Variants in TRPM3 observed in about 807,000 individuals in gnomAD.
TRPM3 encodes the protein long transient receptor potential channel 3.
A neutral mutation model predicts 181.2 loss-of-function variants in TRPM3; 77 were observed. That is an observed-to-expected ratio of 0.42 (90% CI 0.35 to 0.51). TRPM3 has a LOEUF of 0.51. TRPM3 is among the 20% of genes least tolerant of loss of function. The pLI is 0.01. For synonymous variants in TRPM3, 745 were observed against 796.4 expected (o/e 0.94, Z 1.09); for missense variants, 1,759 against 2,196.7 (o/e 0.80, Z 3.98).
chr9:71,378,656 C>T (rs1281965948), intron 1 of TRPM3, among the ~76,000 whole-genome samples: 8 of 152,018 alleles, frequency 5.3e-5, no homozygotes, highest in South Asian at 4.1e-4. Flanking sequence ...CCTTTGGAAA[C>T]CGGAGAGTGT....
At chr9:71,096,102 G>T (rs951638890) in intron 1 of TRPM3, among the ~76,000 whole-genome samples, 1 of 151,876 alleles carries the variant, frequency 6.6e-6, no homozygotes, top group Non-Finnish European at 1.5e-5. Context: ...TCTGGAGGAC[G>T]AAGTATGATT....
chr9:71,325,408 G>A (rs1444950581), intron 1 of TRPM3, among the ~76,000 whole-genome samples: 1 of 152,008 alleles, frequency 6.6e-6, no homozygotes, highest in Non-Finnish European at 1.5e-5. Flanking sequence ...TCACACACAT[G>A]CTTATTAAAT....
chr9:71,077,454 C>T (rs1474032311), intron 1 of TRPM3, among the ~76,000 whole-genome samples: 1 of 152,198 alleles, frequency 6.6e-6, no homozygotes, highest in Non-Finnish European at 1.5e-5. Flanking sequence ...CTCTTTCTCA[C>T]ATAGATATAC....
At chr9:71,321,805 G>A (rs2089246459) in intron 1 of TRPM3, among the ~76,000 whole-genome samples, 1 of 152,058 alleles carries the variant, frequency 6.6e-6, no homozygotes, top group Non-Finnish European at 1.5e-5. Flanking sequence ...ATTAGTCCAT[G>A]TACATTAATT....
At chr9:71,245,184 C>T (rs1039235483) in intron 1 of TRPM3, among the ~76,000 whole-genome samples, 1 of 152,100 alleles carries the variant, frequency 6.6e-6, no homozygotes, top group Non-Finnish European at 1.5e-5. Flanking sequence ...TATGGTAGCT[C>T]ATGCCTGTAA....
intron 11 of TRPM3, among the ~76,000 whole-genome samples, chr9:70,635,875 A>G (rs1352635515): frequency 6.6e-6 from 1 of 152,194 alleles, no homozygotes; most frequent in Non-Finnish European, 1.5e-5. Flanking sequence ...AACTCTGTTG[A>G]CAGCTAGGCC....
At chr9:71,234,565 C>T (rs2081252882) in intron 1 of TRPM3, among the ~76,000 whole-genome samples, 1 of 152,140 alleles carries the variant, frequency 6.6e-6, no homozygotes, top group Non-Finnish European at 1.5e-5. Context: ...AGCCTCTCTC[C>T]TTGACTTGTA....
At chr9:70,953,578 G>A (rs1199247829) in intron 1 of TRPM3, among the ~76,000 whole-genome samples, 1 of 152,026 alleles carries the variant, frequency 6.6e-6, no homozygotes, top group Non-Finnish European at 1.5e-5. Context: ...TAATTTGTAG[G>A]CCGTAAAAAT....
chr9:70,813,705 C>A (rs928820037), intron 6 of TRPM3, among the ~76,000 whole-genome samples: 1 of 152,200 alleles, frequency 6.6e-6, no homozygotes, highest in Non-Finnish European at 1.5e-5. Flanking sequence ...CAGCTCTTTG[C>A]ATACAGAGAG....
chr9:71,160,183 A>T (rs1291313814), intron 1 of TRPM3, among the ~76,000 whole-genome samples: 1 of 152,078 alleles, frequency 6.6e-6, no homozygotes, highest in African/African-American at 2.4e-5. Context: ...AAAATATCTT[A>T]ATGGTTCTGT....
At chr9:71,276,216 C>A (rs899443191) in intron 1 of TRPM3, among the ~76,000 whole-genome samples, 1 of 152,040 alleles carries the variant, frequency 6.6e-6, no homozygotes, top group Non-Finnish European at 1.5e-5. Context: ...CTTCGTCAAC[C>A]GTACACACAA....
chr9:71,172,244 G>A (rs546153499), intron 1 of TRPM3, among the ~76,000 whole-genome samples: 16 of 152,180 alleles, frequency 1.1e-4, no homozygotes, highest in African/African-American at 3.6e-4. Flanking sequence ...CCTGAACTGA[G>A]TCTTGAAACT....
intron 1 of TRPM3, among the ~76,000 whole-genome samples, chr9:71,249,074 G>T (rs1277018952): frequency 6.6e-6 from 1 of 152,274 alleles, no homozygotes; most frequent in Non-Finnish European, 1.5e-5. Flanking sequence ...GAAAAAATTT[G>T]CTCATTTCAT....
Position 70,620,241 on chromosome 9 carries a change from G to GCCCACAC in TRPM3, c.1957_1963dup (p.Ala655GlyfsTer20). On this transcript the variant is annotated frameshift_variant, in exon 16 of 26. Transcript: ENST00000677713. LOFTEE classifies it high-confidence loss of function. Reference sequence around the variant, plus strand: ...CATCTTCTGCCGCTTCATGAGAACAGCCCACACCATGAGCTCATGGAAAGG... The same window carrying GCCCACAC: ...CATCTTCTGCCGCTTCATGAGAACAGCCCACACCCCACACCATGAGCTCATGGAAAGG... 1 of 1,614,232 alleles carries GCCCACAC rather than the reference G, an allele frequency of 6.2e-7. No homozygotes were observed. The highest frequency in any genetic ancestry group is 8.5e-7 in the Non-Finnish European group (1 of 1,180,042).
chr9:70,926,001 A>C (rs1048872620), intron 1 of TRPM3, among the ~76,000 whole-genome samples: 120 of 151,386 alleles, frequency 7.9e-4, no homozygotes, highest in Middle Eastern at 6.8e-3. Context: ...GGAAAACAAA[A>C]AAAAAAAAAA....
At chr9:70,949,348 T>A (rs1390173124) in intron 1 of TRPM3, among the ~76,000 whole-genome samples, 1 of 152,110 alleles carries the variant, frequency 6.6e-6, no homozygotes, top group Non-Finnish European at 1.5e-5. Context: ...TGAGCCACCA[T>A]GCCTGGTCAG....
chr9:71,340,776 T>C (rs191979652), intron 1 of TRPM3, among the ~76,000 whole-genome samples: 102 of 152,228 alleles, frequency 6.7e-4, no homozygotes, highest in African/African-American at 2.4e-3. Flanking sequence ...GCAATGAGCA[T>C]ACCTAGCAAA....
chr9:71,033,146 T>C (rs1303779001), intron 1 of TRPM3, among the ~76,000 whole-genome samples: 1 of 152,098 alleles, frequency 6.6e-6, no homozygotes, highest in South Asian at 2.1e-4. Context: ...GGGTCCTAGA[T>C]GGTTGGGGCT....
intron 25 of TRPM3, 106 bp downstream of exon 25, chr9:70,549,432 TAAAA>T: frequency 1.5e-6 from 2 of 1,377,468 alleles, no homozygotes; most frequent in Non-Finnish European, 1.9e-6. Context: ...TCTCAGACAA[TAAAA>T]ACAAACACAA....
Sources: allele counts gnomAD v4.1 joint callset (sites outside exome capture counted in the v4.1 genomes callset), GRCh38; gene constraint gnomAD v4.1.1; transcripts MANE v1.5; gene names NCBI Gene and HGNC (gene_info 2026-07-23, HGNC 2026-07-21).